Variants in AGPAT3 observed in about 807,000 individuals in gnomAD.
AGPAT3 encodes the protein 1-acyl-sn-glycerol-3-phosphate acyltransferase gamma.
Under a neutral mutation model 47.3 loss-of-function variants are expected in AGPAT3, and 5 were observed. The observed-to-expected ratio is 0.11, with a 90% CI of 0.06 to 0.22. The LOEUF (loss-of-function observed/expected upper bound fraction) is 0.22. AGPAT3 is among the 10% of genes least tolerant of loss of function. The pLI is 1.00. For synonymous variants in AGPAT3, 212 were observed against 208.3 expected (o/e 1.02, Z -0.15); for missense variants, 315 against 493.0 (o/e 0.64, Z 3.42).
intron 4 of AGPAT3, 88 bp from the exon 5 acceptor site, chr21:43,969,030 A>G: frequency 2.1e-6 from 3 of 1,420,840 alleles, no homozygotes; most frequent in Non-Finnish European, 2.9e-6. Flanking sequence ...GACACCACAC[A>G]GGAGCTGGGT....
chr21:43,968,515 G>A (rs1360507410), intron 4 of AGPAT3, among the ~76,000 whole-genome samples: 4 of 151,850 alleles, frequency 2.6e-5, no homozygotes, highest in Admixed American at 2.6e-4. Context: ...GGTTTCCCAG[G>A]GAAAGGGCTA....
rs2147031862 is a variant in AGPAT3, at chr21:43,987,588, C to T, written c.*5196C>T. 6.6e-6 allele frequency among the ~76,000 whole-genome samples: 1 copy of T among 152,240 alleles called. No homozygotes were observed. Among genetic ancestry groups the T allele is most frequent in the South Asian group, 2.1e-4 (1 of 4,828 alleles). On this transcript the variant is annotated 3_prime_UTR_variant, in exon 10 of 10. Coordinates refer to ENST00000291572, the MANE Select transcript of AGPAT3 (RefSeq NM_020132.5). ...GCAAAACAAAAACTCTTGTTAGAAC[C>T]AAAAGATATTCCGAGTTCTCGTTTC...
At chr21:43,938,781 C>T (rs28539718) in intron 2 of AGPAT3, among the ~76,000 whole-genome samples, 6,103 of 152,238 alleles carry the variant, frequency 0.04, 388 homozygotes, top group African/African-American at 0.14. Flanking sequence ...CACACAGCTG[C>T]GGAGGGTCAG....
intron 1 of AGPAT3, among the ~76,000 whole-genome samples, chr21:43,868,626 G>A (rs1601176375): frequency 6.6e-6 from 1 of 152,154 alleles, no homozygotes; most frequent in Non-Finnish European, 1.5e-5. Context: ...TCCTGAGATC[G>A]ATTACTCACC....
intron 7 of AGPAT3, among the ~76,000 whole-genome samples, chr21:43,976,479 C>A (rs2089628023): frequency 6.6e-6 from 1 of 152,240 alleles, no homozygotes; most frequent in South Asian, 2.1e-4. Context: ...GGATTACAGG[C>A]ATGAGCCACT....
chr21:43,977,194 G>A (rs2089650164), intron 7 of AGPAT3, among the ~76,000 whole-genome samples: 1 of 152,182 alleles, frequency 6.6e-6, no homozygotes. Context: ...GATTTAGTAT[G>A]TAAATAAATG....
intron 2 of AGPAT3, among the ~76,000 whole-genome samples, chr21:43,927,342 T>TG (rs1183966233): frequency 6.6e-6 from 1 of 152,248 alleles, no homozygotes; most frequent in Non-Finnish European, 1.5e-5. Context: ...AGTTAAAAGT[T>TG]GGAGTGTTTT....
intron 1 of AGPAT3, among the ~76,000 whole-genome samples, chr21:43,895,183 C>T (rs922186008): frequency 4.0e-5 from 6 of 151,894 alleles, no homozygotes; most frequent in African/African-American, 1.5e-4. Context: ...CGGCTCACTG[C>T]AACCTCCACC....
intron 2 of AGPAT3, among the ~76,000 whole-genome samples, chr21:43,907,191 C>T (rs868159813): frequency 2.2e-4 from 34 of 151,944 alleles, no homozygotes; most frequent in African/African-American, 5.3e-4. Context: ...GGCCACCACA[C>T]GCGGCTTTTT....
chr21:43,936,241 C>T (rs373651663), intron 2 of AGPAT3, among the ~76,000 whole-genome samples: 2 of 152,274 alleles, frequency 1.3e-5, no homozygotes, highest in East Asian at 3.8e-4. Flanking sequence ...GCAGCCCCAG[C>T]CCCTTGTGCC....
At chr21:43,945,147 A>G (rs960607945) in intron 2 of AGPAT3, among the ~76,000 whole-genome samples, 1 of 152,216 alleles carries the variant, frequency 6.6e-6, no homozygotes, top group Non-Finnish European at 1.5e-5. Context: ...GGCGGTTTGC[A>G]TATGTGCACA....
chr21:43,890,825 C>T (rs1445862313), intron 1 of AGPAT3, among the ~76,000 whole-genome samples: 2 of 151,942 alleles, frequency 1.3e-5, no homozygotes, highest in Non-Finnish European at 2.9e-5. Context: ...GCAACCTCTA[C>T]CTCCCAGGTT....
intron 2 of AGPAT3, among the ~76,000 whole-genome samples, chr21:43,929,759 T>C (rs554602790): frequency 6.6e-6 from 1 of 152,334 alleles, no homozygotes; most frequent in Non-Finnish European, 1.5e-5. Flanking sequence ...GTGGGCAGGA[T>C]GGGCAGGAGC....
At chr21:43,916,036 G>C (rs1442035329) in intron 2 of AGPAT3, among the ~76,000 whole-genome samples, 2 of 152,146 alleles carry the variant, frequency 1.3e-5, no homozygotes, top group Non-Finnish European at 2.9e-5. Flanking sequence ...AGAAGATAAT[G>C]TTTAAATTTC....
chr21:43,972,346 A>G (rs2089433375), intron 7 of AGPAT3, among the ~76,000 whole-genome samples: 1 of 152,104 alleles, frequency 6.6e-6, no homozygotes, highest in Admixed American at 6.5e-5. Context: ...GGGTTTTACC[A>G]TATTGTCCAG....
At chr21:43,918,589 T>C (rs954915309) in intron 2 of AGPAT3, among the ~76,000 whole-genome samples, 3 of 10,368 alleles carry the variant, frequency 2.9e-4, no homozygotes, top group Non-Finnish European at 5.1e-4. Flanking sequence ...GACTGCTGGC[T>C]TTTTTTTTTT....
chr21:43,937,423 T>C (rs1392836318), intron 2 of AGPAT3, among the ~76,000 whole-genome samples: 1 of 152,214 alleles, frequency 6.6e-6, no homozygotes, highest in African/African-American at 2.4e-5. Flanking sequence ...CCTGACTATA[T>C]CTGTTCCTCC....
chr21:43,879,742 C>G (rs1292444246), intron 1 of AGPAT3, among the ~76,000 whole-genome samples: 1 of 152,220 alleles, frequency 6.6e-6, no homozygotes, highest in African/African-American at 2.4e-5. Flanking sequence ...GCTGTCTGCA[C>G]TCTGAGTCCT....
At chr21:43,885,307 G>A (rs1159305285) in intron 1 of AGPAT3, among the ~76,000 whole-genome samples, 2 of 152,100 alleles carry the variant, frequency 1.3e-5, no homozygotes, top group Non-Finnish European at 2.9e-5. Context: ...TGCTTCGTGT[G>A]TTCCTAGTTG....
Sources: allele counts gnomAD v4.1 joint callset (sites outside exome capture counted in the v4.1 genomes callset), GRCh38; gene constraint gnomAD v4.1.1; transcripts MANE v1.5; gene names NCBI Gene and HGNC (gene_info 2026-07-23, HGNC 2026-07-21).